ANKRD13B: variants seen among roughly 807,000 people sequenced by gnomAD.
The protein encoded by ANKRD13B is ankyrin repeat domain 13B, also known as ankyrin repeat domain-containing protein 13B.
Under a neutral mutation model 74.4 loss-of-function variants are expected in ANKRD13B, and 33 were observed. The ratio of observed to expected loss-of-function variants is 0.44; its 90% CI spans 0.34 to 0.59. ANKRD13B has a LOEUF of 0.59. Among genes scored for constraint, ANKRD13B ranks in the 20% least tolerant of loss-of-function variants. ANKRD13B has a pLI of 0.02. For missense variants in ANKRD13B, 676 were observed against 877.9 expected (o/e 0.77, Z 2.91); for synonymous variants, 341 against 362.9 (o/e 0.94, Z 0.68).
intron 14 of ANKRD13B, 164 bp from the exon 15 acceptor site, chr17:29,613,190 C>A: frequency 1.6e-6 from 2 of 1,257,822 alleles, no homozygotes; most frequent in Non-Finnish European, 2.1e-6. Flanking sequence ...TTGGTAGGGT[C>A]TGGGCTCCGC....
rs35831588 is a variant in ANKRD13B at position 29,600,922 on chromosome 17, C to CTT, written c.115-6801_115-6800dup. The stretch of plus-strand genomic sequence containing the variant: ...TTGTGGGTTTTAAATATTTTACTGA[C>CTT]TTTTTTTTTTTTTTTTTTTTGAGAC... On this transcript the variant is annotated intron_variant, in intron 1 of 14. Transcript: ENST00000394859. Among the ~76,000 whole-genome samples, 113 of 125,674 alleles carry CTT rather than the reference C, an allele frequency of 9.0e-4. 1 individual carries two copies. The highest frequency in any genetic ancestry group is 3.9e-3 in the Middle Eastern group (1 of 258). The allele number at this position is 125,674 out of a possible 152,430, so 82.4% of individuals were successfully genotyped here. A position where few individuals can be genotyped will look rare whatever the true frequency, so the allele number is the denominator to read the frequency against.
rs747113285 is a variant in ANKRD13B, at chr17:29,614,489, C to T, written c.*907C>T. ...CCCACACGGAGACTGACTCTAAAAC[C>T]CTTCATCCAATGGTGCTAACCCCCG... On this transcript the variant is annotated 3_prime_UTR_variant, in exon 15 of 15. Transcript: ENST00000394859. 7 of 152,370 alleles carry T rather than the reference C, an allele frequency of 4.6e-5. No homozygotes were observed. Among genetic ancestry groups the T allele is most frequent in the Admixed American group, 1.3e-4 (2 of 15,264 alleles). 9.4% of individuals were successfully genotyped at this position (152,370 alleles called of 1,614,324 possible).
intron 1 of ANKRD13B, among the ~76,000 whole-genome samples, chr17:29,599,865 GTTTTTTTTTTTT>G (rs35600194): frequency 3.0e-4 from 15 of 50,770 alleles, no homozygotes; most frequent in South Asian, 8.4e-4. Flanking sequence ...CATCTAATTT[GTTTTTTTTTTTT>G]TTTTTTTTTT....
At chr17:29,610,904 C>G (rs2034558422) in intron 8 of ANKRD13B, 138 bp downstream of exon 8, 1 of 856,722 alleles carries the variant, frequency 1.2e-6, no homozygotes, top group African/African-American at 1.7e-5. Context: ...GATTTCAATT[C>G]AGGTGCCAAG....
chr17:29,594,754 C>CT (rs1428577923), intron 1 of ANKRD13B, among the ~76,000 whole-genome samples: 3 of 152,186 alleles, frequency 2.0e-5, no homozygotes, highest in African/African-American at 7.2e-5. Context: ...GGGCCATGGG[C>CT]TGGGGGTGGT....
Position 29,609,755 on chromosome 17 carries a change from T to C in ANKRD13B, c.822+334T>C, listed in dbSNP as rs1286549926. On this transcript the variant is annotated intron_variant, in intron 7 of 14. Transcript: ENST00000394859. The surrounding 1 kb of genome is among the most constrained non-coding windows in gnomAD (Gnocchi z 4.0). ...TACTCTTCACAACAACCCCAGGAAG[T>C]AGGGATGATCGGTCCATTTTATGAT... Among the ~76,000 whole-genome samples the C allele has an allele frequency of 6.6e-6, 1 of 152,136 alleles. No individual in the cohort carries two copies. Among genetic ancestry groups the C allele is most frequent in the African/African-American group, 2.4e-5 (1 of 41,430 alleles).
chr17:29,607,715 T>C lies in ANKRD13B; in HGVS notation c.115-27T>C, dbSNP rs544693930. Reference sequence around the variant, plus strand: ...GCTGCCTCCGACGTGACTGGGGCTTTATCTTCCACTCCTCCTCCTCCTCCA... The same window carrying C: ...GCTGCCTCCGACGTGACTGGGGCTTCATCTTCCACTCCTCCTCCTCCTCCA... On this transcript the variant is annotated intron_variant, in intron 1 of 14. Coordinates refer to ENST00000394859, the MANE Select transcript of ANKRD13B (RefSeq NM_152345.5). 8 of 1,587,028 alleles carry C rather than the reference T, an allele frequency of 5.0e-6. No homozygotes were observed. In the Admixed American group the frequency reaches 5.1e-5, roughly 10 times the overall value.
In ANKRD13B at chr17:29,613,651, G is replaced by A. The variant is rs1175580392; in HGVS notation, c.*69G>A. 4.4e-6 allele frequency: 6 copies of A among 1,374,606 alleles called. No homozygotes were observed. The highest frequency in any genetic ancestry group is 1.5e-5 in the African/African-American group (1 of 65,296). The allele number at this position is 1,374,606 out of a possible 1,614,324, so 85.2% of individuals were successfully genotyped here. ...CAGGGCCAGGAGCCAGACAAACCCC[G>A]GCCTGCGCGCCTGCAGAGCGGCGGC... On this transcript the variant is annotated 3_prime_UTR_variant, in exon 15 of 15. Transcript: ENST00000394859.
At chr17:29,597,923 C>G (rs1020924984) in intron 1 of ANKRD13B, among the ~76,000 whole-genome samples, 3 of 152,156 alleles carry the variant, frequency 2.0e-5, no homozygotes, top group African/African-American at 7.2e-5. Context: ...GAGGTGGAGG[C>G]AGCATCTGGA....
chr17:29,594,819 T>C (rs2033896029), intron 1 of ANKRD13B, among the ~76,000 whole-genome samples: 1 of 152,154 alleles, frequency 6.6e-6, no homozygotes, highest in Non-Finnish European at 1.5e-5. Context: ...TATTGAGTCA[T>C]GAGAAGTTCA....
At chr17:29,600,176 G>A (rs1598600804) in intron 1 of ANKRD13B, among the ~76,000 whole-genome samples, 1 of 152,044 alleles carries the variant, frequency 6.6e-6, no homozygotes, top group African/African-American at 2.4e-5. Context: ...GCACCCAGCC[G>A]TCTTAGCATC....
chr17:29,596,950 C>T (rs2033976190), intron 1 of ANKRD13B, among the ~76,000 whole-genome samples: 1 of 152,182 alleles, frequency 6.6e-6, no homozygotes, highest in Admixed American at 6.5e-5. Context: ...GTCCCCACAG[C>T]CCGTGGCCTC....
Position 29,611,558 on chromosome 17 carries a change from G to C in ANKRD13B, c.905-21G>C, listed in dbSNP as rs2034580585. On this transcript the variant is annotated intron_variant, in intron 8 of 14. Coordinates refer to ENST00000394859, the MANE Select transcript of ANKRD13B (RefSeq NM_152345.5). This position sits in a 1 kb window ranked among gnomAD's most constrained non-coding sequence, Gnocchi z 4.3. ...TGTGTGTGGAGTTGCGGTGTCCTCT[G>C]AGATGCCACATTTCTTGTAGGCTGT... is the stretch of plus-strand genomic sequence containing the variant. The C allele has an allele frequency of 6.2e-7, 1 of 1,613,516 alleles. No homozygotes were observed. Among genetic ancestry groups the C allele is most frequent in the Non-Finnish European group, 8.5e-7 (1 of 1,179,472 alleles).
At chr17:29,613,203 CGACCAGGTGGGGGCCAG>C in intron 14 of ANKRD13B, 134 bp from the exon 15 acceptor site, 3 of 1,303,614 alleles carry the variant, frequency 2.3e-6, no homozygotes, top group Non-Finnish European at 3.1e-6. Context: ...GGCTCCGCCA[CGACCAGGTGGGGGCCAG>C]GACGCCGCGG....
At position 29,608,024 on chromosome 17, in the gene ANKRD13B, G is replaced by A; in HGVS notation, c.289G>A (p.Val97Met). 1 of 1,612,342 alleles carries A rather than the reference G, an allele frequency of 6.2e-7. No homozygotes were observed. Among genetic ancestry groups the A allele is most frequent in the Non-Finnish European group, 8.5e-7 (1 of 1,179,230 alleles). The part of the protein sequence containing the change: ...EAVSTRDLEL[V>M]QLVLRYRDYQ... ...TGTGAGTACCCGGGACCTGGAGCTGGTGCAGCTGGTGCTTCGGTACCGGGA... is the reference window on the plus strand; with the variant it reads ...TGTGAGTACCCGGGACCTGGAGCTGATGCAGCTGGTGCTTCGGTACCGGGA... Residue 97 changes from valine to methionine, a missense_variant, in exon 3 of 15, where the codon GTG (valine) becomes ATG (methionine). Physicochemically the swap from Val to Met is conservative, Grantham distance 21. Around this residue, in one of 4 missense-constraint regions of ANKRD13B, gnomAD observed 328 missense variants for 518.4 expected, o/e 0.63. Coordinates refer to ENST00000394859, the MANE Select transcript of ANKRD13B (RefSeq NM_152345.5). This position sits in a 1 kb window ranked among gnomAD's most constrained non-coding sequence, Gnocchi z 6.4.
intron 1 of ANKRD13B, 97 bp downstream of exon 1, chr17:29,593,832 C>T (rs1221417653): frequency 3.4e-5 from 21 of 622,308 alleles, no homozygotes; most frequent in Non-Finnish European, 4.7e-5. Flanking sequence ...GCCTCCCTGG[C>T]GAGTTTGCGG....
At chr17:29,597,090 G>A (rs2033980503) in intron 1 of ANKRD13B, among the ~76,000 whole-genome samples, 1 of 152,192 alleles carries the variant, frequency 6.6e-6, no homozygotes, top group African/African-American at 2.4e-5. Flanking sequence ...CCTCCTCGTG[G>A]GCTGGGGAAG....
intron 1 of ANKRD13B, among the ~76,000 whole-genome samples, chr17:29,604,658 C>T (rs972106040): frequency 2.0e-5 from 3 of 151,726 alleles, no homozygotes; most frequent in Non-Finnish European, 1.5e-5. Context: ...TCTTGTGCCT[C>T]AGCCTCCTGA....
Position 29,593,731 on chromosome 17 carries a change from G to T in ANKRD13B, c.110G>T (p.Gly37Val). 11 of 1,416,890 alleles carry T rather than the reference G, an allele frequency of 7.8e-6. No individual in the cohort carries two copies. Among genetic ancestry groups the T allele is most frequent in the Non-Finnish European group, 1.0e-5 (11 of 1,074,484 alleles). 87.8% of individuals were successfully genotyped at this position (1,416,890 alleles called of 1,614,324 possible). ...HRELEKEVRAGQVDIEQLDPR... is the reference protein window; with the variant it reads ...HRELEKEVRAVQVDIEQLDPR... ...GAGCTGGAGAAGGAGGTCCGCGCGGGCCAGGTAGGAGCGCCTTCGGGGCGC... is the reference window on the plus strand; with the variant it reads ...GAGCTGGAGAAGGAGGTCCGCGCGGTCCAGGTAGGAGCGCCTTCGGGGCGC... The change falls in exon 1 of 15, where the codon GGC becomes GTC. Residue 37 changes from glycine (G) to valine (V), a missense_variant. Transcript: ENST00000394859.
Sources: allele counts gnomAD v4.1 joint callset (sites outside exome capture counted in the v4.1 genomes callset), GRCh38; gene constraint gnomAD v4.1.1; regional missense constraint gnomAD v4.1.1; non-coding constraint Gnocchi (gnomAD v3.1); transcripts MANE v1.5; gene names NCBI Gene and HGNC (gene_info 2026-07-23, HGNC 2026-07-21).